MYO3A: variants seen among roughly 807,000 people sequenced by gnomAD.
MYO3A encodes the protein myosin IIIA, also known as myosin-IIIa.
Under a neutral mutation model 192.7 loss-of-function variants are expected in MYO3A, and 180 were observed. The observed-to-expected ratio is 0.93, with a 90% CI of 0.83 to 1.06. MYO3A has a LOEUF of 1.06. MYO3A is among the 50% of genes least tolerant of loss of function. The pLI, the probability that MYO3A is intolerant of heterozygous loss-of-function variation, is 0.00. For missense variants in MYO3A, 1,896 were observed against 1,905.0 expected, an observed-to-expected ratio of 1.00 and a Z score of 0.09; for synonymous variants, 628 against 645.3, an observed-to-expected ratio of 0.97 and a Z score of 0.41.
chr10:25,968,005 G>C (rs941363717), intron 4 of MYO3A, among the ~76,000 whole-genome samples: 1 of 152,136 alleles, frequency 6.6e-6, no homozygotes, highest in African/African-American at 2.4e-5. Context: ...GCGGGTGTAG[G>C]GGGTGGAGGA....
At chr10:26,121,068 A>T (rs564025696) in intron 18 of MYO3A, among the ~76,000 whole-genome samples, 1 of 152,054 alleles carries the variant, frequency 6.6e-6, no homozygotes, top group African/African-American at 2.4e-5. Flanking sequence ...TCGATATAAA[A>T]GCACAGATAG....
At chr10:26,087,239 A>G (rs952752668) in intron 14 of MYO3A, among the ~76,000 whole-genome samples, 2 of 152,162 alleles carry the variant, frequency 1.3e-5, no homozygotes, top group Non-Finnish European at 2.9e-5. Context: ...CCCCCAAATT[A>G]CTACACTCTT....
Position 26,070,225 on chromosome 10 carries a change from GTC to G in MYO3A, c.1275+13_1275+14del, listed in dbSNP as rs988064829. The G allele has an allele frequency of 3.1e-6, 5 of 1,603,042 alleles. No homozygotes were observed. The highest frequency in any genetic ancestry group is 1.7e-5 in the Admixed American group (1 of 59,892). Reference sequence around the variant, plus strand: ...ATATAATTCAGATCAGGTAAGAAGAGTCTCCCATTCTTAGAAATTTACCTCTT... The same window carrying G: ...ATATAATTCAGATCAGGTAAGAAGAGTCCCATTCTTAGAAATTTACCTCTT... On this transcript the variant is annotated intron_variant, in intron 13 of 34. Coordinates refer to ENST00000642920, the MANE Select transcript of MYO3A (RefSeq NM_017433.5).
chr10:26,096,416 A>G lies in MYO3A; in HGVS notation c.1598A>G (p.Tyr533Cys), dbSNP rs777058257. 1.2e-6 allele frequency: 2 copies of G among 1,613,502 alleles called. No individual in the cohort carries two copies. Among genetic ancestry groups the G allele is most frequent in the Non-Finnish European group, 8.5e-7 (1 of 1,179,802 alleles). Residue 533 changes from tyrosine to cysteine, a missense_variant, in exon 16 of 35, where the codon TAT becomes TGT. Transcript: ENST00000642920. The stretch of plus-strand genomic sequence containing the variant: ...AATTTTCATATTTTTTACTACATTT[A>G]TGCTGGTTTGGCTGAAAAGAAGAAA... ...EKNFHIFYYI[Y>C]AGLAEKKKLA...
chr10:26,111,566 T>A (rs543203367), intron 17 of MYO3A, among the ~76,000 whole-genome samples: 1 of 152,116 alleles, frequency 6.6e-6, no homozygotes, highest in East Asian at 1.9e-4. Context: ...CCCTCAGTCC[T>A]CCCTAATCGG....
intron 25 of MYO3A, 132 bp downstream of exon 25, chr10:26,154,955 ATG>A: frequency 1.3e-6 from 1 of 787,240 alleles, no homozygotes; most frequent in South Asian, 1.5e-5. Context: ...GATACAGGAT[ATG>A]TTAGCATCTA....
chr10:25,935,619 C>T (rs895438678), intron 1 of MYO3A, 125 bp from the exon 2 acceptor site: 3 of 152,312 alleles, frequency 2.0e-5, no homozygotes, highest in Admixed American at 1.3e-4. Flanking sequence ...AACTTAGTTA[C>T]TGAGGAATAA....
intron 4 of MYO3A, among the ~76,000 whole-genome samples, chr10:25,976,298 C>G (rs1223047644): frequency 6.6e-6 from 1 of 152,124 alleles, no homozygotes; most frequent in South Asian, 2.1e-4. Context: ...ATTGATAGCA[C>G]TTTTATAATG....
chr10:26,041,119 T>C (rs536871992), intron 10 of MYO3A, among the ~76,000 whole-genome samples: 2 of 152,236 alleles, frequency 1.3e-5, no homozygotes, highest in African/African-American at 4.8e-5. Flanking sequence ...TCCTGCTGAA[T>C]TCACCTCTTT....
chr10:25,948,934 C>T (rs750784103), intron 2 of MYO3A, among the ~76,000 whole-genome samples: 18 of 151,988 alleles, frequency 1.2e-4, no homozygotes, highest in Non-Finnish European at 2.2e-4. Flanking sequence ...TATATTGATA[C>T]ACTGCTTTAA....
chr10:26,124,214 T>C (rs1839059304), intron 18 of MYO3A, among the ~76,000 whole-genome samples: 1 of 151,432 alleles, frequency 6.6e-6, no homozygotes, highest in Non-Finnish European at 1.5e-5. Context: ...AAAAAAACTT[T>C]TACATATTTA....
intron 19 of MYO3A, 149 bp from the exon 20 acceptor site, chr10:26,128,242 G>A (rs1227764922): frequency 2.7e-6 from 2 of 745,734 alleles, no homozygotes; most frequent in Non-Finnish European, 4.5e-6. Context: ...GCTACAGAGA[G>A]AAGCTATTTC....
chr10:26,159,853 A>G (rs1175182114), intron 26 of MYO3A, among the ~76,000 whole-genome samples: 3 of 152,146 alleles, frequency 2.0e-5, no homozygotes, highest in African/African-American at 7.2e-5. Context: ...AGAGTCCAGA[A>G]ATCTAGTTAG....
At chr10:25,998,919 A>T (rs139931162) in intron 6 of MYO3A, among the ~76,000 whole-genome samples, 1,658 of 152,248 alleles carry the variant, frequency 0.011, 21 homozygotes, top group Non-Finnish European at 0.018. Context: ...GTTTTTTGAG[A>T]TGGAGTCTCA....
At chr10:25,969,201 C>T (rs1838463127) in intron 4 of MYO3A, among the ~76,000 whole-genome samples, 1 of 152,144 alleles carries the variant, frequency 6.6e-6, no homozygotes, top group Non-Finnish European at 1.5e-5. Flanking sequence ...CCAGTACACT[C>T]CAGCCAGCCT....
chr10:26,020,011 A>G (rs1474110830), intron 7 of MYO3A, among the ~76,000 whole-genome samples: 1 of 151,172 alleles, frequency 6.6e-6, no homozygotes, highest in Non-Finnish European at 1.5e-5. Flanking sequence ...TGTCCCATCA[A>G]ACTAACTCTT....
intron 31 of MYO3A, among the ~76,000 whole-genome samples, chr10:26,184,518 A>C (rs1028388656): frequency 1.3e-5 from 2 of 152,240 alleles, no homozygotes; most frequent in African/African-American, 4.8e-5. Flanking sequence ...AAAACAGTGT[A>C]ATTATCATTA....
chr10:26,028,020 A>G (rs1842633822), intron 10 of MYO3A, among the ~76,000 whole-genome samples: 1 of 152,164 alleles, frequency 6.6e-6, no homozygotes, highest in Non-Finnish European at 1.5e-5. Context: ...ACATATCACT[A>G]TTTAGGGAGT....
chr10:26,047,122 T>A (rs1843673585), intron 10 of MYO3A, among the ~76,000 whole-genome samples: 1 of 152,240 alleles, frequency 6.6e-6, no homozygotes, highest in Non-Finnish European at 1.5e-5. Context: ...GTACATTTTC[T>A]TGTAATTTTA....
Sources: allele counts gnomAD v4.1 joint callset (sites outside exome capture counted in the v4.1 genomes callset), GRCh38; gene constraint gnomAD v4.1.1; transcripts MANE v1.5; gene names NCBI Gene and HGNC (gene_info 2026-07-23, HGNC 2026-07-21).